The following FAM20C variants were observed in gnomAD, a reference collection of about 807,000 sequenced individuals.
FAM20C encodes the protein FAM20C golgi associated secretory pathway kinase.
Under a neutral mutation model 51.5 loss-of-function variants are expected in FAM20C, and 40 were observed. The observed-to-expected ratio is 0.78, with a 90% CI of 0.60 to 1.01. The LOEUF is 1.01. FAM20C is among the 50% of genes least tolerant of loss of function. FAM20C has a pLI of 0.00. For synonymous variants in FAM20C, 406 were observed against 380.6 expected (o/e 1.07, Z -0.78); for missense variants, 861 against 844.7 (o/e 1.02, Z -0.24).
chr7:193,250 C>T lies in FAM20C; in HGVS notation c.51C>T (p.Phe17=). 1 of 1,466,292 alleles carries T rather than the reference C, an allele frequency of 6.8e-7. No homozygotes were observed. Among genetic ancestry groups the T allele is most frequent in the Non-Finnish European group, 9.0e-7 (1 of 1,105,458 alleles). 90.8% of individuals were successfully genotyped at this position (1,466,292 alleles called of 1,614,324 possible). The change falls in exon 1 of 10, where the codon TTC becomes TTT. Residue 17 remains phenylalanine, a synonymous_variant. Transcript: ENST00000313766. ...TCCGCGTGCTCATCCTGATGGTGTTCCTGGTGGCCTGCGCGCTGCACATCG... is the reference window on the plus strand; with the variant it reads ...TCCGCGTGCTCATCCTGATGGTGTTTCTGGTGGCCTGCGCGCTGCACATCG... ...RRFRVLILMV[F]LVACALHIAL... is the part of the protein sequence containing the mutation.
In FAM20C at chr7:231,950, C is replaced by G. The variant is rs139053094; in HGVS notation, c.864-14465C>G. 3.3e-5 allele frequency among the ~76,000 whole-genome samples: 5 copies of G among 152,316 alleles called. No homozygotes were observed. In the South Asian group the frequency reaches 1.0e-3, roughly 32 times the overall value. ...GACTCCATCCTCCGGCCCCAGCACC[C>G]GCCCCTGCCCAGGGTTCCGCCTGAT... is the stretch of plus-strand genomic sequence containing the variant. On this transcript the variant is annotated intron_variant, in intron 3 of 9. Transcript: ENST00000313766.
At chr7:245,149 G>C (rs989428123) in intron 3 of FAM20C, among the ~76,000 whole-genome samples, 2 of 152,264 alleles carry the variant, frequency 1.3e-5, no homozygotes, top group Non-Finnish European at 1.5e-5. Context: ...ATGGAAGGAA[G>C]GACCCGGCCG....
intron 9 of FAM20C, among the ~76,000 whole-genome samples, chr7:259,237 C>T (rs575656463): frequency 6.0e-5 from 9 of 149,098 alleles, no homozygotes; most frequent in East Asian, 5.8e-4. Flanking sequence ...CCTGGGTGAG[C>T]GGGCCGCCCT....
intron 3 of FAM20C, among the ~76,000 whole-genome samples, chr7:243,944 A>AACAATTATTATT (rs1554254466): frequency 7.3e-6 from 1 of 136,846 alleles, no homozygotes; most frequent in African/African-American, 2.7e-5. Context: ...TAATAATAAT[A>AACAATTATTATT]ATTATTATTA....
intron 3 of FAM20C, among the ~76,000 whole-genome samples, chr7:244,600 G>T (rs1788075623): frequency 6.6e-6 from 1 of 152,222 alleles, no homozygotes; most frequent in South Asian, 2.1e-4. Flanking sequence ...CGCCATACCT[G>T]CCACTGCCCT....
intron 4 of FAM20C, among the ~76,000 whole-genome samples, chr7:248,063 T>G (rs1420969070): frequency 6.6e-6 from 1 of 152,214 alleles, no homozygotes; most frequent in African/African-American, 2.4e-5. Context: ...ATGCAGGCAG[T>G]TGGTGCTGTG....
At chr7:204,489 G>A (rs985759376) in intron 2 of FAM20C, among the ~76,000 whole-genome samples, 8 of 152,250 alleles carry the variant, frequency 5.3e-5, no homozygotes, top group African/African-American at 1.9e-4. Context: ...TGGAGCAGAC[G>A]CTGCCTGGAG....
rs113473118 is a variant in FAM20C at position 228,635 on chromosome 7, C to A, written c.864-17780C>A. Reference sequence around the variant, plus strand: ...GTGTGAGCCAGGGGAATGACCTGTCCCAACAAGAAGCTCAGGTTTGGACAA... The same window carrying A: ...GTGTGAGCCAGGGGAATGACCTGTCACAACAAGAAGCTCAGGTTTGGACAA... On this transcript the variant is annotated intron_variant, in intron 3 of 9. Coordinates refer to ENST00000313766, the MANE Select transcript of FAM20C (RefSeq NM_020223.4). The A allele has an allele frequency of 3.6e-4, 163 of 456,286 alleles. 1 individual carries two copies. Among genetic ancestry groups the A allele is most frequent in the African/African-American group, 2.9e-3 (144 of 50,182 alleles). The allele number at this position is 456,286 out of a possible 1,614,324, so 28.3% of individuals were successfully genotyped here.
intron 5 of FAM20C, among the ~76,000 whole-genome samples, chr7:255,067 T>C (rs1788539013): frequency 6.6e-6 from 1 of 152,158 alleles, no homozygotes; most frequent in South Asian, 2.1e-4. Context: ...CGTGTCTGAG[T>C]TTTTGTATAG....
At chr7:253,983 A>G (rs1788499651) in intron 5 of FAM20C, among the ~76,000 whole-genome samples, 1 of 152,218 alleles carries the variant, frequency 6.6e-6, no homozygotes, top group African/African-American at 2.4e-5. Context: ...AATCTGTATC[A>G]GCACGAGACA....
At chr7:247,949 G>T (rs529230413) in intron 4 of FAM20C, among the ~76,000 whole-genome samples, 119 of 152,370 alleles carry the variant, frequency 7.8e-4, no homozygotes, top group African/African-American at 2.8e-3. Flanking sequence ...TTAATTAAGC[G>T]AGTGGGAGCC....
chr7:202,046 G>A lies in FAM20C; in HGVS notation c.784+6314G>A, dbSNP rs1485876121. On this transcript the variant is annotated intron_variant, in intron 2 of 9. Transcript: ENST00000313766. ...GGCGATAGGATTCTTCAGCGAGGCC[G>A]GGGAAGAAGCAGACTGTCACCTTTG... Among the ~76,000 whole-genome samples, 5 of 152,218 alleles carry A rather than the reference G, an allele frequency of 3.3e-5. No homozygotes were observed. In the South Asian group the frequency reaches 6.2e-4, roughly 19 times the overall value.
chr7:211,269 C>T (rs1786697061), intron 3 of FAM20C, among the ~76,000 whole-genome samples: 1 of 150,616 alleles, frequency 6.6e-6, no homozygotes, highest in Non-Finnish European at 1.5e-5. Flanking sequence ...CTCCTCCACC[C>T]TCCCAGCCTT....
intron 3 of FAM20C, among the ~76,000 whole-genome samples, chr7:212,907 C>T (rs1583296104): frequency 6.6e-6 from 1 of 152,180 alleles, no homozygotes; most frequent in East Asian, 1.9e-4. Context: ...TGATTTTAGC[C>T]CGTTTTCCGT....
intron 3 of FAM20C, chr7:229,004 C>G (rs951972037): frequency 1.1e-5 from 4 of 364,426 alleles, no homozygotes; most frequent in African/African-American, 6.4e-5. Flanking sequence ...CGTAGTCGGG[C>G]CACACCCTGC....
chr7:217,587 G>A (rs972255840), intron 3 of FAM20C, among the ~76,000 whole-genome samples: 2 of 152,134 alleles, frequency 1.3e-5, no homozygotes, highest in South Asian at 4.1e-4. Context: ...CTGGTGCAGG[G>A]CGGCCCTAGA....
intron 3 of FAM20C, among the ~76,000 whole-genome samples, chr7:209,695 C>T (rs1482242999): frequency 6.6e-6 from 1 of 152,174 alleles, no homozygotes; most frequent in African/African-American, 2.4e-5. Context: ...AAGGGGCCAG[C>T]GGCCTGTCAG....
Position 192,675 on chromosome 7 carries a change from C to A in FAM20C, c.-525C>A, listed in dbSNP as rs1267203909. On this transcript the variant is annotated 5_prime_UTR_variant, in exon 1 of 10. Coordinates refer to ENST00000313766, the MANE Select transcript of FAM20C (RefSeq NM_020223.4). ...CACCCCTTCCGCCCTTCGCCCCCCC[C>A]TTCCCCCCAGCCCCGGTCTCCCGGG... is the stretch of plus-strand genomic sequence containing the variant. Among the ~76,000 whole-genome samples the A allele has an allele frequency of 1.3e-5, 2 of 149,512 alleles. No homozygotes were observed. Among genetic ancestry groups the A allele is most frequent in the Middle Eastern group, 3.4e-3 (1 of 292 alleles).
At chr7:228,177 G>C (rs186754588) in intron 3 of FAM20C, 1 of 319,150 alleles carries the variant, frequency 3.1e-6, no homozygotes, top group Admixed American at 4.1e-5. Flanking sequence ...AAAGCCATCC[G>C]CCTGGCATGG....
Sources: allele counts gnomAD v4.1 joint callset (sites outside exome capture counted in the v4.1 genomes callset), GRCh38; gene constraint gnomAD v4.1.1; transcripts MANE v1.5; gene names NCBI Gene and HGNC (gene_info 2026-07-23, HGNC 2026-07-21).